HS3ST3A1: variants seen among roughly 807,000 people sequenced by gnomAD.
HS3ST3A1 encodes the protein heparan sulfate glucosamine 3-O-sulfotransferase 3A1.
HS3ST3A1 carries 19 observed loss-of-function variants against 25.7 expected under a neutral mutation model. The ratio of observed to expected loss-of-function variants is 0.74; its 90% confidence interval spans 0.52 to 1.08. The LOEUF is 1.08. Ranked by LOEUF, HS3ST3A1 falls within the 50% of genes least tolerant of loss-of-function variation. HS3ST3A1 has a pLI of 0.00. For synonymous variants in HS3ST3A1, 226 were observed against 278.6 expected (o/e 0.81, Z 1.88); for missense variants, 459 against 594.3 (o/e 0.77, Z 2.37).
At chr17:13,548,602 A>G (rs1907151804) in intron 1 of HS3ST3A1, among the ~76,000 whole-genome samples, 1 of 152,236 alleles carries the variant, frequency 6.6e-6, no homozygotes, top group Non-Finnish European at 1.5e-5. Context: ...TCTCCACTCC[A>G]CATGTTGAGA....
chr17:13,517,803 C>T (rs150949948), intron 1 of HS3ST3A1, among the ~76,000 whole-genome samples: 11 of 152,292 alleles, frequency 7.2e-5, no homozygotes, highest in Non-Finnish European at 1.6e-4. Context: ...AGGCGCCTGC[C>T]ACCATCTCTG....
intron 1 of HS3ST3A1, among the ~76,000 whole-genome samples, chr17:13,579,450 C>T (rs1908040534): frequency 6.6e-6 from 1 of 151,892 alleles, no homozygotes; most frequent in Admixed American, 6.6e-5. Flanking sequence ...CTTGTAATCC[C>T]AGCACTATAG....
intron 1 of HS3ST3A1, among the ~76,000 whole-genome samples, chr17:13,561,471 C>T (rs1432201183): frequency 4.0e-5 from 6 of 151,834 alleles, no homozygotes; most frequent in Non-Finnish European, 7.4e-5. Context: ...ACTGCAACCT[C>T]CTCCTCCTGG....
intron 1 of HS3ST3A1, among the ~76,000 whole-genome samples, chr17:13,529,869 C>T (rs1317907617): frequency 1.3e-5 from 2 of 149,416 alleles, no homozygotes; most frequent in South Asian, 2.1e-4. Context: ...GGTTCTAGAG[C>T]TCCCCCCCAC....
intron 1 of HS3ST3A1, among the ~76,000 whole-genome samples, chr17:13,572,843 G>C (rs1907854383): frequency 2.0e-5 from 3 of 152,224 alleles, no homozygotes; most frequent in Non-Finnish European, 4.4e-5. Context: ...CGTCCTGTTA[G>C]GGATATGGGA....
chr17:13,495,940 G>T lies in HS3ST3A1; in HGVS notation c.*257C>A. The T allele has an allele frequency of 2.8e-6, 1 of 360,240 alleles. No homozygotes were observed. Among genetic ancestry groups the T allele is most frequent in the Non-Finnish European group, 4.9e-6 (1 of 205,716 alleles). 22.3% of individuals were successfully genotyped at this position (360,240 alleles called of 1,614,324 possible). A position where few individuals can be genotyped will look rare whatever the true frequency, so the allele number is the denominator to read the frequency against. On this transcript the variant is annotated 3_prime_UTR_variant, in exon 2 of 2. Transcript: ENST00000284110. ...ATGACAACTGATGCTTATACTTTATGACTGGGTATATAGAACATAAAATAA... is the reference window on the plus strand; with the variant it reads ...ATGACAACTGATGCTTATACTTTATTACTGGGTATATAGAACATAAAATAA...
At chr17:13,555,086 C>T (rs775356721) in intron 1 of HS3ST3A1, among the ~76,000 whole-genome samples, 8 of 152,140 alleles carry the variant, frequency 5.3e-5, no homozygotes, top group Non-Finnish European at 1.2e-4. Context: ...CCTACCTCGT[C>T]GGTGTTCTCA....
chr17:13,514,455 C>G (rs1905987313), intron 1 of HS3ST3A1, among the ~76,000 whole-genome samples: 1 of 152,146 alleles, frequency 6.6e-6, no homozygotes, highest in South Asian at 2.1e-4. Context: ...AAATTATGAA[C>G]AAGTACCTGT....
At chr17:13,530,526 C>T (rs780261778) in intron 1 of HS3ST3A1, among the ~76,000 whole-genome samples, 28 of 152,092 alleles carry the variant, frequency 1.8e-4, no homozygotes, top group Non-Finnish European at 3.7e-4. Context: ...ATTTCAAAGG[C>T]GGTCCTGTTA....
chr17:13,561,959 G>A (rs553743959), intron 1 of HS3ST3A1, among the ~76,000 whole-genome samples: 3 of 152,232 alleles, frequency 2.0e-5, no homozygotes, highest in Admixed American at 1.3e-4. Flanking sequence ...GCTCTCAGTG[G>A]TGTGGGCTGT....
chr17:13,513,340 G>T (rs536075961), intron 1 of HS3ST3A1, among the ~76,000 whole-genome samples: 1 of 152,178 alleles, frequency 6.6e-6, no homozygotes. Context: ...CTAGGCTCTG[G>T]GGGGAGCAGC....
In HS3ST3A1 at chr17:13,495,754, G is replaced by A. The variant is rs372240238; in HGVS notation, c.*443C>T. On this transcript the variant is annotated 3_prime_UTR_variant, in exon 2 of 2. Coordinates refer to ENST00000284110, the MANE Select transcript of HS3ST3A1 (RefSeq NM_006042.3). Reference sequence around the variant, plus strand: ...TTGAAAGCACTATGAAAACTGTGACGGGTACAAACATATGATAATACTAAC... The same window carrying A: ...TTGAAAGCACTATGAAAACTGTGACAGGTACAAACATATGATAATACTAAC... 2 of 153,998 alleles carry A rather than the reference G, an allele frequency of 1.3e-5. No homozygotes were observed. Among genetic ancestry groups the A allele is most frequent in the Non-Finnish European group, 2.9e-5 (2 of 69,412 alleles). 9.5% of individuals were successfully genotyped at this position (153,998 alleles called of 1,614,324 possible).
chr17:13,505,690 C>T (rs1905641333), intron 1 of HS3ST3A1, among the ~76,000 whole-genome samples: 1 of 151,170 alleles, frequency 6.6e-6, no homozygotes, highest in Admixed American at 6.6e-5. Flanking sequence ...TTAAAGTGAA[C>T]AATTATTTTG....
At chr17:13,577,298 C>A (rs1297553242) in intron 1 of HS3ST3A1, among the ~76,000 whole-genome samples, 2 of 152,192 alleles carry the variant, frequency 1.3e-5, no homozygotes, top group African/African-American at 4.8e-5. Flanking sequence ...ACTAAGGTTT[C>A]TTCACCCTGA....
intron 1 of HS3ST3A1, among the ~76,000 whole-genome samples, 181 bp downstream of exon 1, chr17:13,600,350 C>A (rs2142402534): frequency 6.6e-6 from 1 of 151,968 alleles, no homozygotes; most frequent in Admixed American, 6.6e-5. Flanking sequence ...CCACTCTCTC[C>A]TTCAACATCC....
At chr17:13,543,643 C>T (rs964697372) in intron 1 of HS3ST3A1, 5 of 160,780 alleles carry the variant, frequency 3.1e-5, no homozygotes, top group Non-Finnish European at 5.9e-5. Flanking sequence ...CATGCAGAAT[C>T]AGATTTGTTC....
At chr17:13,514,220 C>G (rs535033411) in intron 1 of HS3ST3A1, among the ~76,000 whole-genome samples, 3 of 151,536 alleles carry the variant, frequency 2.0e-5, no homozygotes, top group African/African-American at 7.3e-5. Flanking sequence ...TCCAGTTTAT[C>G]CTTTCTTGTT....
Position 13,496,451 on chromosome 17 carries a change from G to A in HS3ST3A1, c.967C>T (p.Leu323=). 1 of 1,374,668 alleles carries A rather than the reference G, an allele frequency of 7.3e-7. No individual in the cohort carries two copies. The highest frequency in any genetic ancestry group is 1.0e-6 in the Non-Finnish European group (1 of 1,000,710). The allele number at this position is 1,374,668 out of a possible 1,614,324, so 85.2% of individuals were successfully genotyped here. Residue 323 remains leucine (L), a synonymous_variant, in exon 2 of 2, where the codon CTG becomes TTG. Coordinates refer to ENST00000284110, the MANE Select transcript of HS3ST3A1 (RefSeq NM_006042.3). ...ERLISDPAGE[L]GRVQDFLGLK... is the part of the protein sequence containing the mutation. ...CCCAGGAAGTCTTGCACGCGGCCCA[G>A]CTCCCCGGCCGGGTCGCTGATGAGC...
At chr17:13,496,934 G>T in intron 1 of HS3ST3A1, 116 bp from the exon 2 acceptor site, 3 of 1,404,996 alleles carry the variant, frequency 2.1e-6, no homozygotes, top group Non-Finnish European at 2.9e-6. Flanking sequence ...CCCCCCACTT[G>T]CTAGACATCT....
Sources: gnomAD v4.1 joint callset for allele counts (sites outside exome capture counted in the v4.1 genomes callset) on GRCh38, gnomAD v4.1.1 for gene constraint, MANE v1.5 for transcripts, NCBI Gene and HGNC (gene_info 2026-07-23, HGNC 2026-07-21) for gene names.